The following LYPLA1 variants were observed in gnomAD, a reference collection of about 807,000 sequenced individuals.
The protein encoded by LYPLA1 is acyl-protein thioesterase 1.
A neutral mutation model predicts 34.0 loss-of-function variants in LYPLA1; 17 were observed. The ratio of observed to expected loss-of-function variants is 0.50; its 90% confidence interval spans 0.34 to 0.75. The LOEUF (loss-of-function observed/expected upper bound fraction) is 0.75, where lower values mean the gene tolerates loss of function less well. LYPLA1 is among the 30% of genes least tolerant of loss of function. LYPLA1 has a pLI of 0.01. For missense variants in LYPLA1, 203 were observed against 288.8 expected (o/e 0.70, Z 2.15); for synonymous variants, 98 against 100.8 (o/e 0.97, Z 0.17).
intron 2 of LYPLA1, among the ~76,000 whole-genome samples, chr8:54,094,501 T>C (rs1395218054): frequency 6.6e-6 from 1 of 152,198 alleles, no homozygotes; most frequent in Admixed American, 6.5e-5. Context: ...ATAAACCCTG[T>C]GGTGCTGGGC....
chr8:54,047,898 C>T lies in LYPLA1; in HGVS notation c.*167G>A, dbSNP rs1185653325. ...ATACATGTATAGAAACTTAAAAGAT[C>T]ATAAATTTCTCATGAGGAGATATTA... On this transcript the variant is annotated 3_prime_UTR_variant, in exon 9 of 9. Coordinates refer to ENST00000316963, the MANE Select transcript of LYPLA1 (RefSeq NM_006330.4). 6 of 484,920 alleles carry T rather than the reference C, an allele frequency of 1.2e-5. No homozygotes were observed. Among genetic ancestry groups the T allele is most frequent in the Non-Finnish European group, 2.2e-5 (6 of 274,084 alleles). 30.0% of individuals were successfully genotyped at this position (484,920 alleles called of 1,614,324 possible).
At chr8:54,082,115 G>A (rs527979375) in intron 2 of LYPLA1, among the ~76,000 whole-genome samples, 16 of 152,254 alleles carry the variant, frequency 1.1e-4, no homozygotes, top group East Asian at 7.7e-4. Flanking sequence ...CTGCAGTCCC[G>A]TAGGAGAAAC....
intron 5 of LYPLA1, among the ~76,000 whole-genome samples, chr8:54,055,954 A>G (rs1024794542): frequency 6.6e-6 from 1 of 152,100 alleles, no homozygotes; most frequent in Non-Finnish European, 1.5e-5. Context: ...TAAAATTTAT[A>G]TGGAATCACG....
At chr8:54,062,803 T>G (rs920252693) in intron 4 of LYPLA1, among the ~76,000 whole-genome samples, 1 of 152,176 alleles carries the variant, frequency 6.6e-6, no homozygotes, top group Non-Finnish European at 1.5e-5. Flanking sequence ...TGAGCCACCA[T>G]GCCCGGCTAA....
At chr8:54,073,359 G>A in intron 2 of LYPLA1, 1 of 807,466 alleles carries the variant, frequency 1.2e-6, no homozygotes, top group Non-Finnish European at 2.2e-6. Context: ...GTGGGTCTGT[G>A]CCCCATGACA....
chr8:54,097,768 T>C (rs887186390), intron 2 of LYPLA1, among the ~76,000 whole-genome samples: 1 of 152,200 alleles, frequency 6.6e-6, no homozygotes, highest in Non-Finnish European at 1.5e-5. Context: ...AAACCCTATA[T>C]ATACTATGTT....
intron 2 of LYPLA1, among the ~76,000 whole-genome samples, chr8:54,068,642 G>A (rs942501941): frequency 6.6e-6 from 1 of 152,174 alleles, no homozygotes; most frequent in African/African-American, 2.4e-5. Flanking sequence ...ATATCCACAT[G>A]TAATACAAAG....
intron 2 of LYPLA1, among the ~76,000 whole-genome samples, chr8:54,094,075 C>T (rs576832604): frequency 1.1e-3 from 169 of 152,316 alleles, no homozygotes; most frequent in African/African-American, 3.8e-3. Flanking sequence ...TATTTTAAAT[C>T]CTCACCTTGT....
chr8:54,058,395 G>A lies in LYPLA1; in HGVS notation c.287-3262C>T, dbSNP rs564687704. On this transcript the variant is annotated intron_variant, in intron 5 of 8. Transcript: ENST00000316963. Reference sequence around the variant, plus strand: ...ACCGTCTGTACTAAAAATACAAAACGTAGCCGGGCATGGTGGCACAGGCCT... The same window carrying A: ...ACCGTCTGTACTAAAAATACAAAACATAGCCGGGCATGGTGGCACAGGCCT... Among the ~76,000 whole-genome samples the A allele has an allele frequency of 5.9e-5, 9 of 152,092 alleles. No individual in the cohort carries two copies. The East Asian group carries it at 7.7e-4, about 13-fold the overall frequency.
In LYPLA1 at chr8:54,059,507, T is replaced by C. The variant is rs1400015093; in HGVS notation, c.286+2747A>G. Among the ~76,000 whole-genome samples the C allele has an allele frequency of 2.5e-5, 2 of 78,886 alleles. 1 individual carries two copies. The highest frequency in any genetic ancestry group is 2.1e-4 in the African/African-American group (2 of 9,452). 51.8% of individuals were successfully genotyped at this position (78,886 alleles called of 152,430 possible). On this transcript the variant is annotated intron_variant, in intron 5 of 8. Transcript: ENST00000316963. ...TTTTAGTAGAGACGGGGTTTCACCT[T>C]GTTAGCCAGGATGGTCTCGATCTCC...
At chr8:54,055,654 T>TG (rs971426372) in intron 5 of LYPLA1, among the ~76,000 whole-genome samples, 3 of 151,840 alleles carry the variant, frequency 2.0e-5, no homozygotes, top group African/African-American at 7.3e-5. Flanking sequence ...TATTTTTTTT[T>TG]TTTTTTTGAG....
rs544325747 is a variant in LYPLA1, at chr8:54,092,158, G to A, written c.101+8750C>T. ...AGGAGATGGAAGAGGCAGAGGCGGC[G>A]GCGGAGGAGAACCCTGTCGAAGTCA... On this transcript the variant is annotated intron_variant, in intron 2 of 8. Coordinates refer to ENST00000316963, the MANE Select transcript of LYPLA1 (RefSeq NM_006330.4). Among the ~76,000 whole-genome samples, 246 of 151,358 alleles carry A rather than the reference G, an allele frequency of 1.6e-3. 1 individual carries two copies. Among genetic ancestry groups the A allele is most frequent in the African/African-American group, 5.7e-3 (235 of 41,270 alleles).
chr8:54,052,097 C>T (rs113588230), intron 7 of LYPLA1, among the ~76,000 whole-genome samples: 3,591 of 150,432 alleles, frequency 0.024, 138 homozygotes, highest in African/African-American at 0.084. Flanking sequence ...GTAATCCACC[C>T]GCCTCAGCCT....
At chr8:54,081,259 CAAT>C (rs901959109) in intron 2 of LYPLA1, among the ~76,000 whole-genome samples, 19 of 152,118 alleles carry the variant, frequency 1.2e-4, no homozygotes, top group African/African-American at 4.6e-4. Flanking sequence ...AATTGTAATT[CAAT>C]AATTATTAAT....
chr8:54,049,644 T>C (rs1350899531), intron 8 of LYPLA1, among the ~76,000 whole-genome samples: 1 of 152,224 alleles, frequency 6.6e-6, no homozygotes, highest in African/African-American at 2.4e-5. Flanking sequence ...AATTCTATTC[T>C]ATGATCCCTC....
At chr8:54,066,742 C>G (rs1807096585) in intron 2 of LYPLA1, among the ~76,000 whole-genome samples, 1 of 151,384 alleles carries the variant, frequency 6.6e-6, no homozygotes, top group Non-Finnish European at 1.5e-5. Flanking sequence ...GATCACGCCA[C>G]TGCACTCCAG....
rs150747966 is a variant in LYPLA1, at chr8:54,052,635, G to A, written c.462+20C>T. The A allele has an allele frequency of 2.7e-6, 4 of 1,507,504 alleles. No individual in the cohort carries two copies. The African/African-American group carries it at 5.5e-5, about 21-fold the overall frequency. 93.4% of individuals were successfully genotyped at this position (1,507,504 alleles called of 1,614,324 possible). On this transcript the variant is annotated intron_variant, in intron 7 of 8. Coordinates refer to ENST00000316963, the MANE Select transcript of LYPLA1 (RefSeq NM_006330.4). ...ACCTTTAGCTCAGTAATCTCATGTTGAGTGCATCAACCAAGTTACCTGTGG... is the reference window on the plus strand; with the variant it reads ...ACCTTTAGCTCAGTAATCTCATGTTAAGTGCATCAACCAAGTTACCTGTGG...
intron 2 of LYPLA1, 51 bp downstream of exon 2, chr8:54,100,857 G>C: frequency 1.4e-6 from 2 of 1,477,116 alleles, no homozygotes; most frequent in South Asian, 1.1e-5. Flanking sequence ...GTAAACAAAA[G>C]TTGCATGACC....
chr8:54,089,097 T>C (rs1054759516), intron 2 of LYPLA1, among the ~76,000 whole-genome samples: 41 of 152,194 alleles, frequency 2.7e-4, no homozygotes, highest in African/African-American at 9.4e-4. Flanking sequence ...TGGGTTTCTT[T>C]TGGGGATGTT....
Sources: allele counts gnomAD v4.1 joint callset (sites outside exome capture counted in the v4.1 genomes callset), GRCh38; gene constraint gnomAD v4.1.1; transcripts MANE v1.5; gene names NCBI Gene and HGNC (gene_info 2026-07-23, HGNC 2026-07-21).